Variants in CTNND2 observed in about 807,000 individuals in gnomAD.
CTNND2 encodes catenin delta-2.
Under a neutral mutation model 144.4 loss-of-function variants are expected in CTNND2, and 22 were observed. That is an observed-to-expected ratio of 0.15 (90% confidence interval 0.11 to 0.22). The LOEUF is 0.22. CTNND2 is among the 10% of genes least tolerant of loss of function. The pLI is 1.00. For missense variants in CTNND2, 1,353 were observed against 1,618.8 expected, an observed-to-expected ratio of 0.84 and a Z score of 2.82; for synonymous variants, 751 against 695.6, an observed-to-expected ratio of 1.08 and a Z score of -1.25.
rs2126362337 is a variant in CTNND2, at chr5:11,903,667, T to C, written c.37+150A>G. 1 of 833,330 alleles carries C rather than the reference T, an allele frequency of 1.2e-6. No individual in the cohort carries two copies. Among genetic ancestry groups the C allele is most frequent in the Non-Finnish European group, 1.7e-6 (1 of 591,946 alleles). 51.6% of individuals were successfully genotyped at this position (833,330 alleles called of 1,614,324 possible). ...CGAGGGGGACCTGGCGCGATCGCGG[T>C]CCTCCCCGAGGCAGGCAGAAACCCC... On this transcript the variant is annotated intron_variant, in intron 1 of 21. Coordinates refer to ENST00000304623, the MANE Select transcript of CTNND2 (RefSeq NM_001332.4). This position sits in a 1 kb window ranked among gnomAD's most constrained non-coding sequence, Gnocchi z 5.4.
chr5:11,584,276 G>A (rs948392334), intron 2 of CTNND2, among the ~76,000 whole-genome samples: 1 of 152,140 alleles, frequency 6.6e-6, no homozygotes, highest in African/African-American at 2.4e-5. Flanking sequence ...GTATGCAAAT[G>A]TTACTCTATA....
intron 1 of CTNND2, among the ~76,000 whole-genome samples, chr5:11,759,412 GATAC>G (rs1789131453): frequency 6.6e-6 from 1 of 152,000 alleles, no homozygotes. Context: ...TAAGGAAAAT[GATAC>G]ATAAATATAA....
At chr5:11,330,493 A>G (rs796182943) in intron 9 of CTNND2, among the ~76,000 whole-genome samples, 1,726 of 147,870 alleles carry the variant, frequency 0.012, 24 homozygotes, top group South Asian at 0.038. Flanking sequence ...CAAAAAAAAA[A>G]AAAAAAAAAA....
At chr5:11,138,243 T>C (rs571902549) in intron 12 of CTNND2, among the ~76,000 whole-genome samples, 24 of 152,318 alleles carry the variant, frequency 1.6e-4, no homozygotes, top group African/African-American at 5.3e-4. Context: ...GAACATTCTC[T>C]GCTTTTAAGG....
At chr5:11,502,206 G>A (rs955021350) in intron 3 of CTNND2, among the ~76,000 whole-genome samples, 1 of 152,044 alleles carries the variant, frequency 6.6e-6, no homozygotes, top group Admixed American at 6.6e-5. Context: ...GTTTGTTGTT[G>A]AAGCCACCCA....
chr5:11,739,418 G>A (rs1184063086), intron 1 of CTNND2, among the ~76,000 whole-genome samples: 2 of 152,166 alleles, frequency 1.3e-5, no homozygotes, highest in Admixed American at 6.5e-5. Context: ...GAACAGACTT[G>A]GGGCAGGGAA....
At chr5:11,189,736 C>A (rs1307064567) in intron 11 of CTNND2, among the ~76,000 whole-genome samples, 2 of 152,116 alleles carry the variant, frequency 1.3e-5, no homozygotes, top group African/African-American at 4.8e-5. Flanking sequence ...GTTGTCAGCA[C>A]CCCTAACTCT....
At chr5:11,582,228 G>A (rs1055522509) in intron 2 of CTNND2, among the ~76,000 whole-genome samples, 1 of 152,164 alleles carries the variant, frequency 6.6e-6, no homozygotes, top group African/African-American at 2.4e-5. Context: ...TTTTAATTTT[G>A]CAGTTATGGA....
At chr5:11,073,683 G>A (rs1036785276) in intron 16 of CTNND2, among the ~76,000 whole-genome samples, 8 of 152,290 alleles carry the variant, frequency 5.3e-5, no homozygotes, top group South Asian at 2.1e-4. Context: ...TGGCTTCACC[G>A]AAAAGGGAGG....
chr5:11,563,703 A>G (rs933573862), intron 3 of CTNND2, among the ~76,000 whole-genome samples: 3 of 152,070 alleles, frequency 2.0e-5, no homozygotes, highest in African/African-American at 4.8e-5. Context: ...CACGTGGTTA[A>G]CCCCGCTTAA....
At chr5:11,783,535 C>T (rs1032243175) in intron 1 of CTNND2, among the ~76,000 whole-genome samples, 1 of 152,050 alleles carries the variant, frequency 6.6e-6, no homozygotes, top group African/African-American at 2.4e-5. Context: ...TCTCCAATGT[C>T]CACTAGACCA....
intron 9 of CTNND2, among the ~76,000 whole-genome samples, chr5:11,263,311 TAA>T (rs1383720199): frequency 1.3e-5 from 2 of 152,192 alleles, no homozygotes; most frequent in African/African-American, 4.8e-5. Flanking sequence ...GTATTTAATT[TAA>T]GTGTATTTTA....
At chr5:11,158,962 A>T (rs1021126222) in intron 12 of CTNND2, among the ~76,000 whole-genome samples, 2 of 152,214 alleles carry the variant, frequency 1.3e-5, no homozygotes, top group Non-Finnish European at 2.9e-5. Flanking sequence ...AACAAGACAT[A>T]AAGTTGATTC....
intron 2 of CTNND2, among the ~76,000 whole-genome samples, chr5:11,657,148 T>C (rs1178871799): frequency 2.6e-5 from 4 of 152,026 alleles, no homozygotes; most frequent in African/African-American, 4.8e-5. Flanking sequence ...AGGGTGGCAG[T>C]GTGGGGAAAA....
chr5:11,561,799 T>C (rs889363425), intron 3 of CTNND2, among the ~76,000 whole-genome samples: 1 of 152,212 alleles, frequency 6.6e-6, no homozygotes, highest in Non-Finnish European at 1.5e-5. Flanking sequence ...CCCAGCACTT[T>C]GTGGGGTCAA....
intron 10 of CTNND2, among the ~76,000 whole-genome samples, chr5:11,211,856 T>C (rs1000450988): frequency 3.3e-5 from 5 of 152,188 alleles, no homozygotes; most frequent in African/African-American, 1.2e-4. Flanking sequence ...AAATTAAAAG[T>C]AATATATTCC....
At chr5:11,567,593 G>A (rs1299223076) in intron 2 of CTNND2, among the ~76,000 whole-genome samples, 3 of 152,046 alleles carry the variant, frequency 2.0e-5, no homozygotes, top group Middle Eastern at 3.4e-3. Flanking sequence ...AGTTAACTAA[G>A]CTTTGCTTCT....
chr5:11,644,417 G>A (rs1483737210), intron 2 of CTNND2, among the ~76,000 whole-genome samples: 1 of 152,188 alleles, frequency 6.6e-6, no homozygotes, highest in Non-Finnish European at 1.5e-5. Context: ...GCTCACACCT[G>A]TAATCTCAGC....
intron 1 of CTNND2, among the ~76,000 whole-genome samples, chr5:11,741,742 T>C (rs981953592): frequency 6.7e-6 from 1 of 148,288 alleles, no homozygotes; most frequent in East Asian, 1.9e-4. Context: ...TCTTATATAT[T>C]ATATATTCAT....
Sources: allele counts gnomAD v4.1 joint callset (sites outside exome capture counted in the v4.1 genomes callset), GRCh38; gene constraint gnomAD v4.1.1; non-coding constraint Gnocchi (gnomAD v3.1); transcripts MANE v1.5; gene names NCBI Gene and HGNC (gene_info 2026-07-23, HGNC 2026-07-21).